The following ZNF860 variants were observed in gnomAD, a reference collection of about 807,000 sequenced individuals.
ZNF860 encodes zinc finger protein 860.
For missense variants in ZNF860, 641 were observed against 759.2 expected, an observed-to-expected ratio of 0.84 and a Z score of 1.83; for synonymous variants, 206 against 248.9, an observed-to-expected ratio of 0.83 and a Z score of 1.62.
intron 1 of ZNF860, among the ~76,000 whole-genome samples, chr3:31,987,927 G>A (rs1031983339): frequency 5.9e-5 from 9 of 152,302 alleles, no homozygotes; most frequent in Admixed American, 1.3e-4. Flanking sequence ...TATGAACTTG[G>A]GTTAGGAAAA....
intron 1 of ZNF860, among the ~76,000 whole-genome samples, chr3:31,986,816 G>A (rs2125516268): frequency 6.6e-6 from 1 of 152,054 alleles, no homozygotes; most frequent in South Asian, 2.1e-4. Context: ...ACCAGCCTGG[G>A]CAACCTGGAG....
At position 31,990,666 on chromosome 3, in the gene ZNF860, T is replaced by C; in HGVS notation, c.1587T>C (p.His529=). The C allele has an allele frequency of 3.1e-6, 5 of 1,614,006 alleles. No individual in the cohort carries two copies. Among genetic ancestry groups the C allele is most frequent in the Non-Finnish European group, 4.2e-6 (5 of 1,179,978 alleles). Residue 529 remains histidine, a synonymous_variant, in exon 2 of 2, where the codon CAT becomes CAC. Coordinates refer to ENST00000360311, the MANE Select transcript of ZNF860 (RefSeq NM_001137674.3). Reference sequence around the variant, plus strand: ...AACAAGCAACCCTTGCACGTCATCATAGACTTCATACTGGAGAGAAACCTT... The same window carrying C: ...AACAAGCAACCCTTGCACGTCATCACAGACTTCATACTGGAGAGAAACCTT... ...FNQQATLARH[H]RLHTGEKPYK...
chr3:31,998,933 T>C, the ZNF860 span, among the ~76,000 whole-genome samples: 18 of 152,240 alleles, frequency 1.2e-4, no homozygotes. Context: ...CACTTTAGTA[T>C]AAGTGGATAT....
chr3:31,990,719 T>A lies in ZNF860; in HGVS notation c.1640T>A (p.Phe547Tyr), dbSNP rs781139418. The change falls in exon 2 of 2, where the codon TTC becomes TAC. Residue 547 changes from phenylalanine (F) to tyrosine (Y), a missense_variant. Phe to Tyr is a conservative substitution (Grantham distance 22). Transcript: ENST00000360311. ...PYKCEECDTV[F>Y]SRKSHHETHK... ...AAATGTGAAGAATGTGACACAGTTT[T>A]CAGTCGCAAATCACACCATGAAACA... The A allele has an allele frequency of 3.1e-6, 5 of 1,613,970 alleles. No homozygotes were observed. The African/African-American group carries it at 6.7e-5, about 22-fold the overall frequency.
the ZNF860 span, among the ~76,000 whole-genome samples, chr3:32,000,651 C>T: frequency 6.6e-6 from 1 of 152,192 alleles, no homozygotes; most frequent in Non-Finnish European, 1.5e-5. Flanking sequence ...ACGGTTGTTC[C>T]TCCCTTTACC....
the ZNF860 span, among the ~76,000 whole-genome samples, chr3:31,998,962 T>C: frequency 2.6e-5 from 4 of 152,202 alleles, no homozygotes; most frequent in Admixed American, 1.3e-4. Flanking sequence ...TATTTAGCTA[T>C]TTTGCATTCA....
downstream of ZNF860, among the ~76,000 whole-genome samples, chr3:31,996,235 T>G (rs976187): frequency 0.35 from 52,765 of 152,012 alleles, 12,824 homozygotes; most frequent in African/African-American, 0.69. Flanking sequence ...AGGGGGAAAA[T>G]ACAATTCAAT....
the ZNF860 span, among the ~76,000 whole-genome samples, chr3:31,997,297 A>G: frequency 0.34 from 51,042 of 150,476 alleles, 11,899 homozygotes; most frequent in African/African-American, 0.66. Context: ...TCTCGCCCTC[A>G]CTCTGTCGCC....
At chr3:32,006,176 C>T in the ZNF860 span, among the ~76,000 whole-genome samples, 2 of 151,964 alleles carry the variant, frequency 1.3e-5, no homozygotes, top group Non-Finnish European at 2.9e-5. Flanking sequence ...AAACTCCTGA[C>T]CTCAGGTGAT....
Position 31,989,564 on chromosome 3 carries a change from A to G in ZNF860, c.485A>G (p.His162Arg), listed in dbSNP as rs750571902. ...CAGCTTGGATTAAGCTTTCATTCGCATCTTCCTGAACTCCACATATTTCAG... is the reference window on the plus strand; with the variant it reads ...CAGCTTGGATTAAGCTTTCATTCGCGTCTTCCTGAACTCCACATATTTCAG... ...KDQLGLSFHS[H>R]LPELHIFQTK... Residue 162 changes from histidine (H) to arginine (R), a missense_variant, in exon 2 of 2, where the codon CAT becomes CGT. Physicochemically the swap from His to Arg is conservative, Grantham distance 29. Transcript: ENST00000360311. 2 of 1,614,096 alleles carry G rather than the reference A, an allele frequency of 1.2e-6. No homozygotes were observed. Among genetic ancestry groups the G allele is most frequent in the Admixed American group, 1.7e-5 (1 of 60,004 alleles).
At chr3:31,982,333 G>A (rs1441270330) in intron 1 of ZNF860, among the ~76,000 whole-genome samples, 1 of 152,018 alleles carries the variant, frequency 6.6e-6, no homozygotes, top group Non-Finnish European at 1.5e-5. Flanking sequence ...CTAGAAAAAA[G>A]CTTTGAGGAA....
intron 1 of ZNF860, among the ~76,000 whole-genome samples, chr3:31,982,586 C>A (rs945833205): frequency 5.3e-5 from 8 of 151,836 alleles, no homozygotes; most frequent in Admixed American, 4.6e-4. Flanking sequence ...GGAGAAGCTT[C>A]TGGAGTTGAA....
downstream of ZNF860, among the ~76,000 whole-genome samples, chr3:31,992,331 T>A (rs554798767): frequency 2.0e-5 from 3 of 152,300 alleles, no homozygotes; most frequent in African/African-American, 7.2e-5. Context: ...TATAAAATAT[T>A]ACCATAAACA....
intron 1 of ZNF860, among the ~76,000 whole-genome samples, chr3:31,984,329 C>T (rs1159061913): frequency 2.0e-5 from 3 of 151,508 alleles, no homozygotes; most frequent in Non-Finnish European, 4.4e-5. Flanking sequence ...CGTGAGCCAC[C>T]GTACCGGGCC....
the ZNF860 span, among the ~76,000 whole-genome samples, chr3:32,004,028 C>G: frequency 6.6e-6 from 1 of 152,198 alleles, no homozygotes; most frequent in African/African-American, 2.4e-5. Context: ...CAGACCCTAG[C>G]ACTGTGGACC....
chr3:31,998,652 C>T, the ZNF860 span, among the ~76,000 whole-genome samples: 6 of 152,166 alleles, frequency 3.9e-5, no homozygotes, highest in African/African-American at 1.4e-4. Flanking sequence ...CATTTAAATT[C>T]CCCACTTTAT....
Position 31,990,166 on chromosome 3 carries a change from A to G in ZNF860, c.1087A>G (p.Ile363Val). 6.2e-7 allele frequency: 1 copy of G among 1,611,728 alleles called. No homozygotes were observed. The highest frequency in any genetic ancestry group is 8.5e-7 in the Non-Finnish European group (1 of 1,178,656). ...TTCACACCTCACACAACACACTAGA[A>G]TTCACACTGGAGAGAAACCTTACAA... The part of the protein sequence containing the change: ...RDSHLTQHTR[I>V]HTGEKPYKCN... The change falls in exon 2 of 2, where the codon ATT becomes GTT. Residue 363 changes from isoleucine (I) to valine (V), a missense_variant. Transcript: ENST00000360311.
At chr3:32,004,541 T>C in the ZNF860 span, among the ~76,000 whole-genome samples, 1 of 152,254 alleles carries the variant, frequency 6.6e-6, no homozygotes. Flanking sequence ...AGATATCGGC[T>C]GGAGAACTAG....
chr3:31,994,531 T>TGGAC (rs1353873164), downstream of ZNF860, among the ~76,000 whole-genome samples: 1 of 151,026 alleles, frequency 6.6e-6, no homozygotes, highest in Non-Finnish European at 1.5e-5. Context: ...GATGGATGGA[T>TGGAC]GGATGGTCTG....
Sources: gnomAD v4.1 joint callset for allele counts (sites outside exome capture counted in the v4.1 genomes callset) on GRCh38, gnomAD v4.1.1 for gene constraint, MANE v1.5 for transcripts, NCBI Gene and HGNC (gene_info 2026-07-23, HGNC 2026-07-21) for gene names.